The following CACNG5 variants were observed in gnomAD, a reference collection of about 807,000 sequenced individuals.
CACNG5 encodes the protein calcium voltage-gated channel auxiliary subunit gamma 5.
In CACNG5, 18 loss-of-function variants were observed where a neutral mutation model predicts 24.8. The ratio of observed to expected loss-of-function variants is 0.73; its 90% CI spans 0.50 to 1.08. The LOEUF is 1.08. CACNG5 is among the 50% of genes least tolerant of loss of function. The pLI, the probability that CACNG5 is intolerant of heterozygous loss-of-function variation, is 0.00. For missense variants in CACNG5, 349 were observed against 367.9 expected (o/e 0.95, Z 0.42); for synonymous variants, 157 against 149.1 (o/e 1.05, Z -0.39).
chr17:66,882,882 G>A (rs78172458), intron 4 of CACNG5, among the ~76,000 whole-genome samples: 4,824 of 152,040 alleles, frequency 0.032, 273 homozygotes, highest in African/African-American at 0.11. Context: ...ACGTAGCTTG[G>A]GAGCCAGGTG....
chr17:66,856,591 G>A (rs1976781203), intron 1 of CACNG5, among the ~76,000 whole-genome samples: 1 of 151,198 alleles, frequency 6.6e-6, no homozygotes, highest in East Asian at 1.9e-4. Context: ...GCCCAGGCTG[G>A]AGTGCAATGG....
At chr17:66,843,531 G>C (rs1032011692) in intron 1 of CACNG5, among the ~76,000 whole-genome samples, 3 of 152,236 alleles carry the variant, frequency 2.0e-5, no homozygotes, top group African/African-American at 7.2e-5. Flanking sequence ...CCAGGAGGTA[G>C]ATGTGGTGCA....
At position 66,892,344 on chromosome 17, in the gene CACNG5, G is replaced by A. The variant is rs931350688; in HGVS notation, c.*7104G>A. On this transcript the variant is annotated 3_prime_UTR_variant, in exon 6 of 6. Coordinates refer to ENST00000533854, the MANE Select transcript of CACNG5 (RefSeq NM_145811.3). ...ATTCACTGGTATGCAGCTAGAGCCTGCCCCTGGAAAGAGGATAGAGAACAT... is the reference window on the plus strand; with the variant it reads ...ATTCACTGGTATGCAGCTAGAGCCTACCCCTGGAAAGAGGATAGAGAACAT... Among the ~76,000 whole-genome samples the A allele has an allele frequency of 1.1e-4, 16 of 152,200 alleles. No homozygotes were observed. Among genetic ancestry groups the A allele is most frequent in the Admixed American group, 6.5e-4 (10 of 15,278 alleles).
rs763067428 is a variant in CACNG5, at chr17:66,885,189, C to A, written c.777C>A (p.Pro259=). 1.4e-5 allele frequency: 22 copies of A among 1,608,532 alleles called. No individual in the cohort carries two copies. The South Asian group carries it at 2.0e-4, about 14-fold the overall frequency. ...CCCTGCAGATGAACAGCAACTACCC[C>A]GCCTTGCTCAAGTGCCCCGACTATG... ...EASLQMNSNY[P]ALLKCPDYDQ... The change falls in exon 6 of 6, where the codon CCC becomes CCA. Residue 259 remains proline, a synonymous_variant. Transcript: ENST00000533854.
chr17:66,870,170 T>G (rs1203387457), intron 1 of CACNG5, among the ~76,000 whole-genome samples: 1 of 152,134 alleles, frequency 6.6e-6, no homozygotes, highest in African/African-American at 2.4e-5. Flanking sequence ...GGGTGTGGAA[T>G]TTGGGAAGTG....
intron 1 of CACNG5, among the ~76,000 whole-genome samples, chr17:66,847,474 G>A (rs1169881951): frequency 2.6e-5 from 4 of 152,162 alleles, no homozygotes; most frequent in Non-Finnish European, 5.9e-5. Context: ...AGTGTGTGCA[G>A]GGGAACTGCC....
intron 1 of CACNG5, among the ~76,000 whole-genome samples, chr17:66,841,869 G>C (rs945127887): frequency 3.3e-5 from 5 of 152,194 alleles, no homozygotes; most frequent in African/African-American, 4.8e-5. Context: ...TCCCTTAGAG[G>C]GTTTCCAGTC....
intron 1 of CACNG5, among the ~76,000 whole-genome samples, chr17:66,842,791 G>T (rs191311213): frequency 6.6e-6 from 1 of 152,180 alleles, no homozygotes; most frequent in Non-Finnish European, 1.5e-5. Flanking sequence ...GGCTGGCTAC[G>T]TTGGGTGTTC....
At chr17:66,854,416 A>C (rs1241370638) in intron 1 of CACNG5, among the ~76,000 whole-genome samples, 3 of 135,954 alleles carry the variant, frequency 2.2e-5, no homozygotes, top group Non-Finnish European at 3.1e-5. Flanking sequence ...ACAGAGCCAG[A>C]CTCCAACTCA....
rs771677811 is a variant in CACNG5, at chr17:66,878,961, T to C, written c.197-11T>C. The C allele has an allele frequency of 9.4e-6, 15 of 1,603,568 alleles. No homozygotes were observed. In the East Asian group the frequency reaches 3.1e-4, roughly 33 times the overall value. Reference sequence around the variant, plus strand: ...AAGAGGGACCTGGAAATGTGATTCTTGTCTCCACAGGTGAGGAGCGGGGGC... The same window carrying C: ...AAGAGGGACCTGGAAATGTGATTCTCGTCTCCACAGGTGAGGAGCGGGGGC... On this transcript the variant is annotated splice_polypyrimidine_tract_variant and intron_variant, in intron 2 of 5. Coordinates refer to ENST00000533854, the MANE Select transcript of CACNG5 (RefSeq NM_145811.3).
chr17:66,868,256 A>G (rs959181670), intron 1 of CACNG5, among the ~76,000 whole-genome samples: 3 of 152,176 alleles, frequency 2.0e-5, no homozygotes, highest in Non-Finnish European at 1.5e-5. Context: ...AGAAAGTTGT[A>G]TTAGACACTG....
Position 66,841,134 on chromosome 17 carries a change from G to T in CACNG5, c.-104+5884G>T, listed in dbSNP as rs1220080766. ...ACAGCTTGGTTTTATATGTTTCAGG[G>T]AGACATGAGACACCAATCAATATAT... On this transcript the variant is annotated intron_variant, in intron 1 of 5. Coordinates refer to ENST00000533854, the MANE Select transcript of CACNG5 (RefSeq NM_145811.3). 5.3e-5 allele frequency among the ~76,000 whole-genome samples: 8 copies of T among 152,180 alleles called. No homozygotes were observed. In the East Asian group the frequency reaches 1.3e-3, roughly 26 times the overall value.
rs572655325 is a variant in CACNG5, at chr17:66,892,558, A to C, written c.*7318A>C. Among the ~76,000 whole-genome samples, 2 of 152,356 alleles carry C rather than the reference A, an allele frequency of 1.3e-5. No individual in the cohort carries two copies. The highest frequency in any genetic ancestry group is 4.1e-4 in the South Asian group (2 of 4,828). ...AGTTGTGAAAAAGAACAAGGCTCAA[A>C]GGCTTTAGAGGTTTCTGATTAGGCA... On this transcript the variant is annotated 3_prime_UTR_variant, in exon 6 of 6. Transcript: ENST00000533854.
At position 66,889,771 on chromosome 17, in the gene CACNG5, T is replaced by C. The variant is rs1977315790; in HGVS notation, c.*4531T>C. 6.6e-6 allele frequency among the ~76,000 whole-genome samples: 1 copy of C among 152,184 alleles called. No individual in the cohort carries two copies. Among genetic ancestry groups the C allele is most frequent in the Admixed American group, 6.5e-5 (1 of 15,282 alleles). On this transcript the variant is annotated 3_prime_UTR_variant, in exon 6 of 6. Coordinates refer to ENST00000533854, the MANE Select transcript of CACNG5 (RefSeq NM_145811.3). Reference sequence around the variant, plus strand: ...GGCCCACCGACGTTAGAAAAGGTAATTGCTTTACTCAGTGTCCACTGATTT... The same window carrying C: ...GGCCCACCGACGTTAGAAAAGGTAACTGCTTTACTCAGTGTCCACTGATTT...
chr17:66,892,910 C>T lies in CACNG5; in HGVS notation c.*7670C>T, dbSNP rs1485132640. Among the ~76,000 whole-genome samples, 1 of 152,170 alleles carries T rather than the reference C, an allele frequency of 6.6e-6. No individual in the cohort carries two copies. Among genetic ancestry groups the T allele is most frequent in the African/African-American group, 2.4e-5 (1 of 41,434 alleles). Reference sequence around the variant, plus strand: ...CAAGAATGGATTCACCATCTTCAACCCAGGCACAGTCTCTTGCAAATGTCG... The same window carrying T: ...CAAGAATGGATTCACCATCTTCAACTCAGGCACAGTCTCTTGCAAATGTCG... On this transcript the variant is annotated 3_prime_UTR_variant, in exon 6 of 6. Transcript: ENST00000533854.
rs375809079 is a variant in CACNG5, at chr17:66,885,190, G to C, written c.778G>C (p.Ala260Pro). 1.9e-6 allele frequency: 3 copies of C among 1,608,154 alleles called. No homozygotes were observed. Among genetic ancestry groups the C allele is most frequent in the South Asian group, 1.1e-5 (1 of 90,946 alleles). The change falls in exon 6 of 6, where the codon GCC becomes CCC. Residue 260 changes from alanine to proline, a missense_variant. Ala to Pro is a conservative substitution (Grantham distance 27). Coordinates refer to ENST00000533854, the MANE Select transcript of CACNG5 (RefSeq NM_145811.3). ...ASLQMNSNYPALLKCPDYDQM... is the reference protein window; with the variant it reads ...ASLQMNSNYPPLLKCPDYDQM... ...CCTGCAGATGAACAGCAACTACCCC[G>C]CCTTGCTCAAGTGCCCCGACTATGA... is the stretch of plus-strand genomic sequence containing the variant.
chr17:66,883,377 C>A (rs1977192811), intron 4 of CACNG5, among the ~76,000 whole-genome samples: 1 of 152,040 alleles, frequency 6.6e-6, no homozygotes, highest in Non-Finnish European at 1.5e-5. Flanking sequence ...TTTAGTGCAC[C>A]AATGATTCAA....
intron 1 of CACNG5, among the ~76,000 whole-genome samples, chr17:66,865,268 G>GTT (rs34773445): frequency 2.4e-4 from 34 of 142,298 alleles, no homozygotes; most frequent in Non-Finnish European, 3.4e-4. Context: ...CTATTTTTAT[G>GTT]TTTTTTTTTT....
rs946167476 is a variant in CACNG5 at position 66,890,530 on chromosome 17, T to C, written c.*5290T>C. 6.6e-5 allele frequency among the ~76,000 whole-genome samples: 10 copies of C among 152,158 alleles called. No individual in the cohort carries two copies. The highest frequency in any genetic ancestry group is 1.5e-4 in the Non-Finnish European group (10 of 68,028). ...GCTCTGTGACCTTGGACATATCACATCCTTCTGGGCCTGCCTCCACCTTCT... is the reference window on the plus strand; with the variant it reads ...GCTCTGTGACCTTGGACATATCACACCCTTCTGGGCCTGCCTCCACCTTCT... On this transcript the variant is annotated 3_prime_UTR_variant, in exon 6 of 6. Coordinates refer to ENST00000533854, the MANE Select transcript of CACNG5 (RefSeq NM_145811.3).
Sources: gnomAD v4.1 joint callset for allele counts (sites outside exome capture counted in the v4.1 genomes callset) on GRCh38, gnomAD v4.1.1 for gene constraint, MANE v1.5 for transcripts, NCBI Gene and HGNC (gene_info 2026-07-23, HGNC 2026-07-21) for gene names.